SOS2: variants seen among roughly 807,000 people sequenced by gnomAD.
SOS2 encodes the protein son of sevenless homolog 2.
In SOS2, 65 loss-of-function variants were observed where a neutral mutation model predicts 148.2. The ratio of observed to expected loss-of-function variants is 0.44; its 90% confidence interval spans 0.36 to 0.54. The LOEUF is 0.54. Ranked by LOEUF, SOS2 falls within the 20% of genes least tolerant of loss-of-function variation. The probability of loss-of-function intolerance (pLI) is 0.00; values close to 1 mark genes in which losing one functional copy is unlikely to be tolerated. For synonymous variants in SOS2, 539 were observed against 537.1 expected, an observed-to-expected ratio of 1.00 and a Z score of -0.05; for missense variants, 1,341 against 1,590.2, an observed-to-expected ratio of 0.84 and a Z score of 2.67.
At chr14:50,213,678 C>A (rs1341849243) in intron 1 of SOS2, among the ~76,000 whole-genome samples, 1 of 150,382 alleles carries the variant, frequency 6.6e-6, no homozygotes, top group Non-Finnish European at 1.5e-5. Context: ...CCCCCCCACC[C>A]CAAAAAAAAA....
chr14:50,227,499 C>T (rs1171075090), intron 1 of SOS2, among the ~76,000 whole-genome samples: 2 of 152,018 alleles, frequency 1.3e-5, no homozygotes. Flanking sequence ...CTGCAAGCTC[C>T]ACCTTCTGGG....
rs1595030193 is a variant in SOS2 at position 50,213,788 on chromosome 14, A to AGT, written c.88-9381_88-9380dup. On this transcript the variant is annotated intron_variant, in intron 1 of 22. Transcript: ENST00000216373. ...TGAAGTGGGGGAAGAGAAAGTGGAA[A>AGT]GTGTGTGTGTGGTTGGAGGGGAATG... Among the ~76,000 whole-genome samples, 4 of 151,690 alleles carry AGT rather than the reference A, an allele frequency of 2.6e-5. No homozygotes were observed. The East Asian group carries it at 7.8e-4, about 30-fold the overall frequency.
chr14:50,195,589 C>T (rs1187426012), intron 4 of SOS2, among the ~76,000 whole-genome samples: 1 of 152,112 alleles, frequency 6.6e-6, no homozygotes. Context: ...TAGCAAGACC[C>T]CATTCCTACA....
chr14:50,118,268 A>AT lies in SOS2; in HGVS notation c.*75dup, dbSNP rs1278602742. 5 of 1,202,002 alleles carry AT rather than the reference A, an allele frequency of 4.2e-6. No individual in the cohort carries two copies. The highest frequency in any genetic ancestry group is 5.9e-6 in the Non-Finnish European group (5 of 853,782). 74.5% of individuals were successfully genotyped at this position (1,202,002 alleles called of 1,614,324 possible). A position where few individuals can be genotyped will look rare whatever the true frequency, so the allele number is the denominator to read the frequency against. ...TATTTGTAAAAAGTACTAAAATACT[A>AT]TGTCTTTTTTTGAATAAATTAAAAA... On this transcript the variant is annotated 3_prime_UTR_variant, in exon 23 of 23. Coordinates refer to ENST00000216373, the MANE Select transcript of SOS2 (RefSeq NM_006939.4).
intron 1 of SOS2, among the ~76,000 whole-genome samples, chr14:50,221,577 T>C (rs1452277350): frequency 6.6e-6 from 1 of 152,230 alleles, no homozygotes; most frequent in Non-Finnish European, 1.5e-5. Flanking sequence ...TACAAATATT[T>C]TCATTTAAGT....
intron 1 of SOS2, among the ~76,000 whole-genome samples, chr14:50,219,765 A>G (rs1887145629): frequency 6.6e-6 from 1 of 152,236 alleles, no homozygotes; most frequent in Non-Finnish European, 1.5e-5. Context: ...ACATTTTTCT[A>G]ATCAAAGTGT....
intron 8 of SOS2, among the ~76,000 whole-genome samples, chr14:50,168,536 G>C (rs1885240855): frequency 6.6e-6 from 1 of 152,090 alleles, no homozygotes; most frequent in Non-Finnish European, 1.5e-5. Flanking sequence ...TACCTTCTTA[G>C]AGAAATGTCT....
Position 50,134,134 on chromosome 14 carries a change from G to T in SOS2, c.3064C>A (p.Pro1022Thr), listed in dbSNP as rs2139528591. The change falls in exon 19 of 23, where the codon CCA becomes ACA. Residue 1022 changes from proline to threonine, a missense_variant. Around this residue, in one of 4 missense-constraint regions of SOS2, gnomAD observed 408 missense variants for 506.6 expected, o/e 0.81. Coordinates refer to ENST00000216373, the MANE Select transcript of SOS2 (RefSeq NM_006939.4). ...LEIEPRNCKQ[P>T]PRFPRKSTFS... The stretch of plus-strand genomic sequence containing the variant: ...TATAAAAGACTTACAAATCGAGGTG[G>T]CTGTTTGCAGTTTCGAGGTTCAATT... 11 of 1,524,256 alleles carry T rather than the reference G, an allele frequency of 7.2e-6. No individual in the cohort carries two copies. Among genetic ancestry groups the T allele is most frequent in the Non-Finnish European group, 1.0e-5 (11 of 1,101,632 alleles). 94.4% of individuals were successfully genotyped at this position (1,524,256 alleles called of 1,614,324 possible). A position where few individuals can be genotyped will look rare whatever the true frequency, so the allele number is the denominator to read the frequency against.
At chr14:50,150,285 A>C in intron 13 of SOS2, 55 bp from the exon 14 acceptor site, 1 of 1,161,628 alleles carries the variant, frequency 8.6e-7, no homozygotes, top group Non-Finnish European at 1.3e-6. Flanking sequence ...CATGACTGCA[A>C]ATCTTCATTT....
rs922250586 is a variant in SOS2, at chr14:50,119,528, T to A, written c.3490-675A>T. Among the ~76,000 whole-genome samples, 37 of 152,212 alleles carry A rather than the reference T, an allele frequency of 2.4e-4. 1 individual carries two copies. The highest frequency in any genetic ancestry group is 9.6e-4 in the East Asian group (5 of 5,184). ...GTACTTCCAGCCTCTTTTTTATTTT[T>A]TTATTTTTATTTTTAGTTTTTGAGA... On this transcript the variant is annotated intron_variant, in intron 22 of 22. Transcript: ENST00000216373.
intron 5 of SOS2, among the ~76,000 whole-genome samples, chr14:50,185,344 T>C (rs1885873808): frequency 6.6e-6 from 1 of 152,048 alleles, no homozygotes; most frequent in African/African-American, 2.4e-5. Flanking sequence ...CTTTGGTGTA[T>C]GGGGAAAAAA....
intron 1 of SOS2, among the ~76,000 whole-genome samples, chr14:50,209,515 C>T (rs903561698): frequency 6.6e-6 from 1 of 152,002 alleles, no homozygotes; most frequent in African/African-American, 2.4e-5. Flanking sequence ...TCCTGTAATC[C>T]CAGCACTTTG....
In SOS2 at chr14:50,130,741, A is replaced by G. The variant is rs1047180820; in HGVS notation, c.3097T>C (p.Leu1033=). ...TTAGGCCTTATTCCAGGAGATTTTA[A>G]GGAAAAAGTTGATTTCCTAGGCTGA... The part of the protein sequence containing the change: ...PRFPRKSTFS[L]KSPGIRPNTG... Residue 1033 remains leucine (L), a synonymous_variant, in exon 20 of 23, where the codon TTA becomes CTA. Coordinates refer to ENST00000216373, the MANE Select transcript of SOS2 (RefSeq NM_006939.4). 1 of 1,603,718 alleles carries G rather than the reference A, an allele frequency of 6.2e-7. No homozygotes were observed. Among genetic ancestry groups the G allele is most frequent in the African/African-American group, 1.3e-5 (1 of 74,424 alleles).
rs71118844 is a variant in SOS2, at chr14:50,141,203, C to CAAA, written c.2668-1147_2668-1145dup. Among the ~76,000 whole-genome samples the CAAA allele has an allele frequency of 6.5e-4, 20 of 30,586 alleles. 1 individual carries two copies. The highest frequency in any genetic ancestry group is 4.5e-3 in the South Asian group (2 of 448). 20.1% of individuals were successfully genotyped at this position (30,586 alleles called of 152,430 possible). A position where few individuals can be genotyped will look rare whatever the true frequency, so the allele number is the denominator to read the frequency against. On this transcript the variant is annotated intron_variant, in intron 16 of 22. Transcript: ENST00000216373. ...TGGGTGACAGAGCGAGACTCTGTCT[C>CAAA]AAAAAAAAAAAAAAAAAAAAAAAAA... is the stretch of plus-strand genomic sequence containing the variant.
At chr14:50,187,499 C>G (rs997407517) in intron 5 of SOS2, among the ~76,000 whole-genome samples, 1 of 151,968 alleles carries the variant, frequency 6.6e-6, no homozygotes, top group African/African-American at 2.4e-5. Context: ...AGGCGCCCAC[C>G]ACTACGCCCG....
intron 1 of SOS2, among the ~76,000 whole-genome samples, chr14:50,219,945 C>T (rs899939505): frequency 1.1e-4 from 17 of 152,046 alleles, no homozygotes; most frequent in Non-Finnish European, 5.9e-5. Flanking sequence ...GCCTCGAACT[C>T]CTGGGCTCAA....
At chr14:50,224,238 C>T (rs1046856258) in intron 1 of SOS2, among the ~76,000 whole-genome samples, 43 of 149,446 alleles carry the variant, frequency 2.9e-4, no homozygotes, top group East Asian at 6.0e-4. Context: ...TTGCAGTGAG[C>T]CAAGATCGCA....
chr14:50,215,523 A>T, intron 1 of SOS2: 2 of 1,207,762 alleles, frequency 1.7e-6, no homozygotes, highest in Non-Finnish European at 2.1e-6. Context: ...AGCAATTAAA[A>T]TAATTTCCAG....
chr14:50,211,745 ACCATGCCCAG>A (rs1165025031), intron 1 of SOS2, among the ~76,000 whole-genome samples: 2 of 152,140 alleles, frequency 1.3e-5, no homozygotes, highest in African/African-American at 2.4e-5. Context: ...GGCATGAGCC[ACCATGCCCAG>A]CCTAGGAGGG....
Sources: allele counts gnomAD v4.1 joint callset (sites outside exome capture counted in the v4.1 genomes callset), GRCh38; gene constraint gnomAD v4.1.1; regional missense constraint gnomAD v4.1.1; transcripts MANE v1.5; gene names NCBI Gene and HGNC (gene_info 2026-07-23, HGNC 2026-07-21).